ROBO2: variants seen among roughly 807,000 people sequenced by gnomAD.
ROBO2 encodes the protein roundabout homolog 2.
In ROBO2, 53 loss-of-function variants were observed where a neutral mutation model predicts 160.8. The ratio of observed to expected loss-of-function variants is 0.33; its 90% CI spans 0.26 to 0.41. ROBO2 has a LOEUF of 0.41. Ranked by LOEUF, ROBO2 falls within the 10% of genes least tolerant of loss-of-function variation. The pLI is 1.00. For synonymous variants in ROBO2, 664 were observed against 611.7 expected, an observed-to-expected ratio of 1.09 and a Z score of -1.26; for missense variants, 1,577 against 1,722.4, an observed-to-expected ratio of 0.92 and a Z score of 1.49.
chr3:76,375,048 T>C (rs11926403), intron 2 of ROBO2, among the ~76,000 whole-genome samples: 9,604 of 151,724 alleles, frequency 0.063, 857 homozygotes, highest in African/African-American at 0.2. Flanking sequence ...TTAGATGATA[T>C]CTATAAAGAG....
chr3:76,453,011 T>C (rs1299986896), intron 2 of ROBO2, among the ~76,000 whole-genome samples: 1 of 152,192 alleles, frequency 6.6e-6, no homozygotes, highest in Non-Finnish European at 1.5e-5. Flanking sequence ...TGCCCACTTT[T>C]TGATGGGGTT....
intron 2 of ROBO2, among the ~76,000 whole-genome samples, chr3:77,463,205 T>A (rs973130999): frequency 6.6e-6 from 1 of 152,152 alleles, no homozygotes; most frequent in Non-Finnish European, 1.5e-5. Flanking sequence ...TTCTGTTACC[T>A]CACAGAGGTA....
intron 2 of ROBO2, among the ~76,000 whole-genome samples, chr3:77,411,175 C>T (rs775530127): frequency 1.3e-5 from 2 of 152,158 alleles, no homozygotes; most frequent in Non-Finnish European, 2.9e-5. Flanking sequence ...GTTCTCCTAA[C>T]TCTTCTTGCC....
intron 2 of ROBO2, among the ~76,000 whole-genome samples, chr3:76,475,958 GC>G (rs2078911515): frequency 6.6e-6 from 1 of 152,108 alleles, no homozygotes; most frequent in Non-Finnish European, 1.5e-5. Flanking sequence ...TTCAAGACCA[GC>G]CTGGCCAACA....
intron 2 of ROBO2, among the ~76,000 whole-genome samples, chr3:76,482,207 A>C (rs1417498703): frequency 1.3e-5 from 2 of 152,086 alleles, no homozygotes; most frequent in Non-Finnish European, 2.9e-5. Context: ...TTCAAACACA[A>C]ATAAGTGTTT....
At chr3:77,405,574 T>C (rs2076188390) in intron 2 of ROBO2, among the ~76,000 whole-genome samples, 1 of 151,928 alleles carries the variant, frequency 6.6e-6, no homozygotes, top group South Asian at 2.1e-4. Context: ...GAAGTCAGAA[T>C]TGCAATTACT....
chr3:75,930,044 G>A (rs888098706), intron 1 of ROBO2, among the ~76,000 whole-genome samples: 1 of 152,142 alleles, frequency 6.6e-6, no homozygotes, highest in African/African-American at 2.4e-5. Flanking sequence ...ATCATCTTCA[G>A]GCAAGTTCAG....
rs148107049 is a variant in ROBO2, at chr3:76,415,128, C to A, written c.109+477526C>A. On this transcript the variant is annotated intron_variant, in intron 2 of 26. Coordinates refer to the ROBO2 transcript ENST00000487694. ...TTGATCTCTGTAAGTAAAAAGTAACCAGAATCTCCTGTGTTTCTCATGTAT... is the reference window on the plus strand; with the variant it reads ...TTGATCTCTGTAAGTAAAAAGTAACAAGAATCTCCTGTGTTTCTCATGTAT... 7.1e-3 allele frequency among the ~76,000 whole-genome samples: 1,078 copies of A among 152,146 alleles called. 8 individuals carry two copies. The highest frequency in any genetic ancestry group is 0.025 in the African/African-American group (1,034 of 41,514).
intron 22 of ROBO2, among the ~76,000 whole-genome samples, chr3:77,621,712 T>G (rs1261701735): frequency 2.0e-5 from 3 of 152,208 alleles, no homozygotes; most frequent in Admixed American, 1.3e-4. Context: ...AGCCTTGATG[T>G]GAGAGAGATC....
chr3:76,658,907 TTTTA>T (rs1232414810), intron 2 of ROBO2, among the ~76,000 whole-genome samples: 1 of 152,212 alleles, frequency 6.6e-6, no homozygotes, highest in Non-Finnish European at 1.5e-5. Flanking sequence ...ATTTAGTTTA[TTTTA>T]TTTAAGTTAT....
intron 2 of ROBO2, among the ~76,000 whole-genome samples, chr3:76,225,047 A>G (rs1172027426): frequency 6.6e-6 from 1 of 152,164 alleles, no homozygotes; most frequent in African/African-American, 2.4e-5. Context: ...ATACTTCTTA[A>G]TATACTCATT....
At chr3:76,178,945 A>G (rs7645381) in intron 2 of ROBO2, among the ~76,000 whole-genome samples, 33,690 of 151,986 alleles carry the variant, frequency 0.22, 4,637 homozygotes, top group East Asian at 0.49. Context: ...CCATCTCAAA[A>G]ATATAAATAA....
At chr3:77,645,830 C>A (rs1363653685) in intron 25 of ROBO2, among the ~76,000 whole-genome samples, 1 of 151,946 alleles carries the variant, frequency 6.6e-6, no homozygotes, top group Non-Finnish European at 1.5e-5. Flanking sequence ...CACAGGAGTA[C>A]CAAAATAGTT....
chr3:76,112,959 T>C (rs1442723012), intron 2 of ROBO2, among the ~76,000 whole-genome samples: 1 of 152,072 alleles, frequency 6.6e-6, no homozygotes, highest in Admixed American at 6.6e-5. Flanking sequence ...CAGTGATTGA[T>C]TGATTGAGGA....
chr3:76,197,065 G>A lies in ROBO2; in HGVS notation c.109+259463G>A, dbSNP rs570995726. 5.3e-5 allele frequency among the ~76,000 whole-genome samples: 8 copies of A among 152,322 alleles called. No individual in the cohort carries two copies. The South Asian group carries it at 1.5e-3, about 28-fold the overall frequency. ...GCTGGTTATACTGTTGTACCCAGCTGAGTGACAACAAGGACTTTCTCCTTT... is the reference window on the plus strand; with the variant it reads ...GCTGGTTATACTGTTGTACCCAGCTAAGTGACAACAAGGACTTTCTCCTTT... On this transcript the variant is annotated intron_variant, in intron 2 of 26. Transcript: ENST00000487694.
intron 2 of ROBO2, among the ~76,000 whole-genome samples, chr3:77,454,090 G>A (rs963531624): frequency 6.7e-6 from 1 of 149,344 alleles, no homozygotes; most frequent in African/African-American, 2.5e-5. Flanking sequence ...TTCAAGATTA[G>A]CATCTTCCTC....
At chr3:76,804,555 A>C (rs1385026918) in intron 2 of ROBO2, among the ~76,000 whole-genome samples, 1 of 152,206 alleles carries the variant, frequency 6.6e-6, no homozygotes, top group African/African-American at 2.4e-5. Flanking sequence ...GCATTTAAAG[A>C]CAACAGTAGC....
chr3:77,634,993 G>A lies in ROBO2; in HGVS notation c.3884G>A (p.Arg1295Gln), dbSNP rs762523752. The A allele has an allele frequency of 9.3e-6, 15 of 1,613,970 alleles. No homozygotes were observed. The highest frequency in any genetic ancestry group is 1.6e-4 in the Middle Eastern group (1 of 6,084). The stretch of plus-strand genomic sequence containing the variant: ...CCCACTAAAAAACACAAGGGAGGGC[G>A]GATGGACCAACAACCAGCATTGCCT... The change falls in exon 24 of 26, where the codon CGG becomes CAG. Residue 1295 changes from arginine (R) to glutamine (Q), a missense_variant. Physicochemically the swap from Arg to Gln is conservative, Grantham distance 43. This residue lies in a region of ROBO2 where 637 missense variants were observed against 586.9 expected (regional missense o/e 1.09). Coordinates refer to ENST00000461745, the Ensembl canonical transcript of ROBO2.
intron 2 of ROBO2, among the ~76,000 whole-genome samples, chr3:76,910,392 T>C (rs2075894842): frequency 6.6e-6 from 1 of 151,712 alleles, no homozygotes. Flanking sequence ...GCAGTACAAG[T>C]TTGGTTTGAA....
Sources: gnomAD v4.1 joint callset for allele counts (sites outside exome capture counted in the v4.1 genomes callset) on GRCh38, gnomAD v4.1.1 for gene constraint, gnomAD v4.1.1 regional missense constraint, MANE v1.5 for transcripts, NCBI Gene and HGNC (gene_info 2026-07-23, HGNC 2026-07-21) for gene names.